GRIN3A: variants seen among roughly 807,000 people sequenced by gnomAD.
GRIN3A encodes glutamate receptor ionotropic, NMDA 3A.
Under a neutral mutation model 92.4 loss-of-function variants are expected in GRIN3A, and 47 were observed. The ratio of observed to expected loss-of-function variants is 0.51; its 90% confidence interval spans 0.40 to 0.65. GRIN3A has a LOEUF of 0.65. Ranked by LOEUF, GRIN3A falls within the 30% of genes least tolerant of loss-of-function variation. The pLI is 0.00. For missense variants in GRIN3A, 1,324 were observed against 1,393.1 expected, an observed-to-expected ratio of 0.95 and a Z score of 0.79; for synonymous variants, 527 against 540.6, an observed-to-expected ratio of 0.97 and a Z score of 0.35.
chr9:101,738,183 C>T lies in GRIN3A; in HGVS notation c.-204G>A. The T allele has an allele frequency of 1.6e-6, 1 of 632,732 alleles. No homozygotes were observed. The highest frequency in any genetic ancestry group is 2.9e-6 in the Non-Finnish European group (1 of 349,962). 39.2% of individuals were successfully genotyped at this position (632,732 alleles called of 1,614,324 possible). A position where few individuals can be genotyped will look rare whatever the true frequency, so the allele number is the denominator to read the frequency against. ...CAGTCTCAGATCCCGCTCCCAGGTCCCTCCGCCTGGCATCCTCTGCCCGCC... is the reference window on the plus strand; with the variant it reads ...CAGTCTCAGATCCCGCTCCCAGGTCTCTCCGCCTGGCATCCTCTGCCCGCC... On this transcript the variant is annotated 5_prime_UTR_variant, in exon 1 of 9. Transcript: ENST00000361820.
At chr9:101,730,110 A>G (rs569733654) in intron 1 of GRIN3A, among the ~76,000 whole-genome samples, 1 of 152,224 alleles carries the variant, frequency 6.6e-6, no homozygotes, top group South Asian at 2.1e-4. Flanking sequence ...AACCACCCTG[A>G]ACCCATATAA....
intron 1 of GRIN3A, among the ~76,000 whole-genome samples, chr9:101,736,901 A>C (rs937496187): frequency 1.3e-5 from 2 of 151,980 alleles, no homozygotes; most frequent in African/African-American, 2.4e-5. Context: ...CCCCACCCCC[A>C]TACCCTGCTC....
chr9:101,611,046 C>T (rs1429874144), intron 6 of GRIN3A, among the ~76,000 whole-genome samples: 1 of 150,714 alleles, frequency 6.6e-6, no homozygotes, highest in Non-Finnish European at 1.5e-5. Flanking sequence ...TGCAGTGAGC[C>T]TAGATCATGC....
In GRIN3A at chr9:101,730,192, C is replaced by T. The variant is rs534928013; in HGVS notation, c.699+7089G>A. ...ACCTACTTTGCACACACTTAAATTG[C>T]GGGTACACTTCAGTGAACCAGAACT... is the stretch of plus-strand genomic sequence containing the variant. On this transcript the variant is annotated intron_variant, in intron 1 of 8. Transcript: ENST00000361820. Among the ~76,000 whole-genome samples, 9 of 152,186 alleles carry T rather than the reference C, an allele frequency of 5.9e-5. No individual in the cohort carries two copies. The South Asian group carries it at 6.2e-4, about 11-fold the overall frequency.
chr9:101,623,022 A>AC (rs56333251), intron 5 of GRIN3A, among the ~76,000 whole-genome samples: 2 of 149,850 alleles, frequency 1.3e-5, no homozygotes, highest in Admixed American at 6.6e-5. Flanking sequence ...ACACACACAC[A>AC]ATACAGATTA....
chr9:101,713,789 A>G (rs1209352928), intron 1 of GRIN3A, among the ~76,000 whole-genome samples: 1 of 152,110 alleles, frequency 6.6e-6, no homozygotes, highest in Non-Finnish European at 1.5e-5. Flanking sequence ...TAAAACCAAA[A>G]CCAAGACTGG....
At chr9:101,575,574 T>G (rs1461866030) in intron 8 of GRIN3A, among the ~76,000 whole-genome samples, 1 of 152,218 alleles carries the variant, frequency 6.6e-6, no homozygotes, top group Non-Finnish European at 1.5e-5. Context: ...AATATGTACC[T>G]TATTTTCTTT....
At chr9:101,640,681 G>GAATC (rs1174649313) in intron 3 of GRIN3A, among the ~76,000 whole-genome samples, 1 of 152,148 alleles carries the variant, frequency 6.6e-6, no homozygotes, top group African/African-American at 2.4e-5. Flanking sequence ...GGAGGTAATT[G>GAATC]AATCATGGGA....
intron 1 of GRIN3A, among the ~76,000 whole-genome samples, chr9:101,723,190 G>A (rs1830036192): frequency 6.6e-6 from 1 of 152,208 alleles, no homozygotes; most frequent in Admixed American, 6.5e-5. Context: ...GACCCTCGCG[G>A]TGAGTGTTAC....
chr9:101,674,929 G>C lies in GRIN3A; in HGVS notation c.1305-3822C>G, dbSNP rs188372443. 6.6e-4 allele frequency among the ~76,000 whole-genome samples: 101 copies of C among 152,064 alleles called. No individual in the cohort carries two copies. The Middle Eastern group carries it at 0.01, about 15-fold the overall frequency. On this transcript the variant is annotated intron_variant, in intron 2 of 8. Transcript: ENST00000361820. Reference sequence around the variant, plus strand: ...CTCATGTACCTGTTTTATGACATTGGATTTTATTTTAGTAGGAAAAGGGGA... The same window carrying C: ...CTCATGTACCTGTTTTATGACATTGCATTTTATTTTAGTAGGAAAAGGGGA...
chr9:101,610,141 C>G (rs921276824), intron 6 of GRIN3A, among the ~76,000 whole-genome samples: 4 of 152,214 alleles, frequency 2.6e-5, no homozygotes, highest in East Asian at 3.8e-4. Flanking sequence ...TGAATTAACT[C>G]AATTGACTGG....
rs1214880564 is a variant in GRIN3A, at chr9:101,571,618, T to C, written c.*1556A>G. 6.6e-6 allele frequency: 1 copy of C among 152,190 alleles called. No homozygotes were observed. The highest frequency in any genetic ancestry group is 2.4e-5 in the African/African-American group (1 of 41,430). The allele number at this position is 152,190 out of a possible 1,614,324, so 9.4% of individuals were successfully genotyped here. Reference sequence around the variant, plus strand: ...GATGTTGAAGGAGAGTCAGCAGATGTGTGCTAAAATTATTAAAAAGCAAAA... The same window carrying C: ...GATGTTGAAGGAGAGTCAGCAGATGCGTGCTAAAATTATTAAAAAGCAAAA... On this transcript the variant is annotated 3_prime_UTR_variant, in exon 9 of 9. Coordinates refer to ENST00000361820, the MANE Select transcript of GRIN3A (RefSeq NM_133445.3).
chr9:101,623,477 T>C (rs781569561), intron 4 of GRIN3A, 44 bp from the exon 5 acceptor site: 2 of 1,334,858 alleles, frequency 1.5e-6, no homozygotes, highest in South Asian at 2.3e-5. Flanking sequence ...GATTCATTAA[T>C]GGGAAGGAAG....
chr9:101,738,114 A>C lies in GRIN3A; in HGVS notation c.-135T>G. On this transcript the variant is annotated 5_prime_UTR_variant, in exon 1 of 9. Transcript: ENST00000361820. ...TCGGTGAAGCGGTCCCAGGAGCTGGAGCGGTCTCTAGGCCATGCAAGTTGG... is the reference window on the plus strand; with the variant it reads ...TCGGTGAAGCGGTCCCAGGAGCTGGCGCGGTCTCTAGGCCATGCAAGTTGG... The C allele has an allele frequency of 2.5e-6, 2 of 795,762 alleles. No individual in the cohort carries two copies. Among genetic ancestry groups the C allele is most frequent in the South Asian group, 2.9e-5 (2 of 68,460 alleles). 49.3% of individuals were successfully genotyped at this position (795,762 alleles called of 1,614,324 possible).
At chr9:101,724,713 G>A (rs1449732484) in intron 1 of GRIN3A, among the ~76,000 whole-genome samples, 1 of 152,214 alleles carries the variant, frequency 6.6e-6, no homozygotes. Flanking sequence ...GTTTATCAGG[G>A]ATTTCTGATT....
intron 5 of GRIN3A, among the ~76,000 whole-genome samples, chr9:101,615,970 C>G (rs975883345): frequency 7.2e-5 from 11 of 152,192 alleles, no homozygotes; most frequent in African/African-American, 2.4e-4. Context: ...CTTATGGTGC[C>G]TATCTCAGTT....
At position 101,737,599 on chromosome 9, in the gene GRIN3A, G is replaced by C. The variant is rs779787666; in HGVS notation, c.381C>G (p.Ala127=). Residue 127 remains alanine (A), a synonymous_variant, in exon 1 of 9, where the codon GCC becomes GCG. Transcript: ENST00000361820. Reference sequence around the variant, plus strand: ...TCAGGTTGTCCACGGCAAATAGGAGGGCGTCCCGTGGCCACAGGGCCTCCG... The same window carrying C: ...TCAGGTTGTCCACGGCAAATAGGAGCGCGTCCCGTGGCCACAGGGCCTCCG... ...ARAEALWPRD[A]LLFAVDNLNR... is the part of the protein sequence containing the mutation. 1 of 1,613,818 alleles carries C rather than the reference G, an allele frequency of 6.2e-7. No individual in the cohort carries two copies. Among genetic ancestry groups the C allele is most frequent in the South Asian group, 1.1e-5 (1 of 91,090 alleles).
chr9:101,661,129 T>C (rs753331164), intron 3 of GRIN3A, among the ~76,000 whole-genome samples: 1 of 151,848 alleles, frequency 6.6e-6, no homozygotes, highest in Non-Finnish European at 1.5e-5. Context: ...AAAATTTTTG[T>C]GTGGGAGTGG....
intron 4 of GRIN3A, among the ~76,000 whole-genome samples, chr9:101,624,862 C>T (rs897195603): frequency 1.3e-5 from 2 of 152,170 alleles, no homozygotes; most frequent in African/African-American, 4.8e-5. Flanking sequence ...TACCATCTCA[C>T]AGCAGTTAGA....
Sources: gnomAD v4.1 joint callset for allele counts (sites outside exome capture counted in the v4.1 genomes callset) on GRCh38, gnomAD v4.1.1 for gene constraint, MANE v1.5 for transcripts, NCBI Gene and HGNC (gene_info 2026-07-23, HGNC 2026-07-21) for gene names.